The following LRP6 variants were observed in gnomAD, a reference collection of about 807,000 sequenced individuals.
LRP6 encodes LDL receptor related protein 6, also known as low-density lipoprotein receptor-related protein 6.
LRP6 carries 43 observed loss-of-function variants against 184.1 expected under a neutral mutation model. That is an observed-to-expected ratio of 0.23 (90% confidence interval 0.18 to 0.30). The LOEUF (loss-of-function observed/expected upper bound fraction) is 0.30. LRP6 is among the 10% of genes least tolerant of loss of function. The pLI is 1.00. For synonymous variants in LRP6, 719 were observed against 684.9 expected, an observed-to-expected ratio of 1.05 and a Z score of -0.78; for missense variants, 1,571 against 2,005.3, an observed-to-expected ratio of 0.78 and a Z score of 4.14.
chr12:12,203,470 A>G, intron 2 of LRP6, 70 bp from the exon 3 acceptor site: 3 of 1,334,592 alleles, frequency 2.2e-6, no homozygotes, highest in Non-Finnish European at 3.2e-6. Context: ...AATTATTACT[A>G]TTAAAGAAAG....
chr12:12,220,866 C>T (rs1306373119), intron 2 of LRP6, among the ~76,000 whole-genome samples: 1 of 152,186 alleles, frequency 6.6e-6, no homozygotes, highest in East Asian at 1.9e-4. Flanking sequence ...TCCGAAAGTG[C>T]TGGGATTACA....
intron 7 of LRP6, among the ~76,000 whole-genome samples, chr12:12,171,525 A>C (rs1863042779): frequency 9.0e-6 from 1 of 111,234 alleles, no homozygotes. Flanking sequence ...CAGTCTCAAA[A>C]AAAAATAAAA....
At position 12,157,681 on chromosome 12, in the gene LRP6, AAAAG is replaced by A. The variant is rs370891971; in HGVS notation, c.2791+1144_2791+1147del. Among the ~76,000 whole-genome samples, 45 of 152,310 alleles carry A rather than the reference AAAAG, an allele frequency of 3.0e-4. No individual in the cohort carries two copies. The East Asian group carries it at 6.0e-3, about 20-fold the overall frequency. ...AATTCTGACACATTCTCTCAAGCAC[AAAAG>A]AAAGTCATGTCAATAGTTAATTACC... On this transcript the variant is annotated intron_variant, in intron 12 of 22. Coordinates refer to ENST00000261349, the MANE Select transcript of LRP6 (RefSeq NM_002336.3).
intron 2 of LRP6, among the ~76,000 whole-genome samples, chr12:12,236,011 G>T (rs1046749433): frequency 6.6e-6 from 1 of 152,122 alleles, no homozygotes; most frequent in Non-Finnish European, 1.5e-5. Flanking sequence ...GGATCACCAG[G>T]TCAGGAGATC....
In LRP6 at chr12:12,259,262, C is replaced by CAA. The variant is rs535352023; in HGVS notation, c.55+7417_55+7418dup. ...TGGGTGACAGAGCGAGACTCCATCT[C>CAA]AAAAAAAAAAAAAAAAAAAGACTAC... On this transcript the variant is annotated intron_variant, in intron 1 of 22. Coordinates refer to ENST00000261349, the MANE Select transcript of LRP6 (RefSeq NM_002336.3). Among the ~76,000 whole-genome samples, 179 of 59,112 alleles carry CAA rather than the reference C, an allele frequency of 3.0e-3. 1 individual carries two copies. Among genetic ancestry groups the CAA allele is most frequent in the Admixed American group, 9.0e-3 (48 of 5,358 alleles). 38.8% of individuals were successfully genotyped at this position (59,112 alleles called of 152,430 possible).
intron 15 of LRP6, among the ~76,000 whole-genome samples, chr12:12,140,533 A>G (rs1016016211): frequency 3.3e-5 from 5 of 152,172 alleles, no homozygotes; most frequent in Non-Finnish European, 5.9e-5. Flanking sequence ...GACAGAAAGG[A>G]TCAACCTAGT....
intron 2 of LRP6, among the ~76,000 whole-genome samples, chr12:12,214,471 T>G (rs1438802483): frequency 6.6e-6 from 1 of 152,228 alleles, no homozygotes; most frequent in Non-Finnish European, 1.5e-5. Flanking sequence ...AACTATGTTA[T>G]ATAGTAAGAA....
At chr12:12,232,947 C>T (rs1014781168) in intron 2 of LRP6, among the ~76,000 whole-genome samples, 8 of 152,104 alleles carry the variant, frequency 5.3e-5, no homozygotes, top group Non-Finnish European at 1.2e-4. Context: ...AAAAGATGCA[C>T]CTAACATCCC....
At chr12:12,258,511 T>C (rs1865528800) in intron 1 of LRP6, among the ~76,000 whole-genome samples, 1 of 152,246 alleles carries the variant, frequency 6.6e-6, no homozygotes, top group African/African-American at 2.4e-5. Flanking sequence ...AATTCACATC[T>C]TTTTATATTA....
intron 17 of LRP6, among the ~76,000 whole-genome samples, chr12:12,133,855 G>A (rs567667018): frequency 1.7e-5 from 2 of 115,516 alleles, no homozygotes; most frequent in East Asian, 2.9e-4. Flanking sequence ...TGGGGGGGGG[G>A]GGGGGGGAGG....
chr12:12,204,049 A>T (rs1433182724), intron 2 of LRP6, among the ~76,000 whole-genome samples: 1 of 152,166 alleles, frequency 6.6e-6, no homozygotes, highest in Non-Finnish European at 1.5e-5. Context: ...ATACCACCTT[A>T]ACTGAGTCAT....
At chr12:12,265,130 AATAC>A (rs777186046) in intron 1 of LRP6, among the ~76,000 whole-genome samples, 3 of 152,238 alleles carry the variant, frequency 2.0e-5, no homozygotes, top group Non-Finnish European at 4.4e-5. Context: ...TATGTCTTAA[AATAC>A]ATACATATTC....
intron 17 of LRP6, 119 bp from the exon 18 acceptor site, chr12:12,132,176 A>G: frequency 1.4e-6 from 1 of 729,380 alleles, no homozygotes; most frequent in Admixed American, 2.0e-5. Context: ...ACTTTATAAT[A>G]AATATGATTT....
intron 1 of LRP6, among the ~76,000 whole-genome samples, chr12:12,251,588 T>G (rs1865327504): frequency 6.6e-6 from 1 of 152,048 alleles, no homozygotes; most frequent in Admixed American, 6.5e-5. Context: ...CAGGATGGTC[T>G]CGATCTCCTG....
Position 12,147,525 on chromosome 12 carries a change from A to C in LRP6, c.3238T>G (p.Ser1080Ala). 1.2e-6 allele frequency: 2 copies of C among 1,614,036 alleles called. No individual in the cohort carries two copies. The highest frequency in any genetic ancestry group is 1.1e-5 in the South Asian group (1 of 91,070). The change falls in exon 15 of 23, where the codon TCT becomes GCT. Residue 1080 changes from serine to alanine, a missense_variant. Physicochemically the swap from Ser to Ala is moderately conservative, Grantham distance 99 (BLOSUM62 1). Around this residue, in one of 4 missense-constraint regions of LRP6, gnomAD observed 763 missense variants for 859.5 expected, o/e 0.89. Transcript: ENST00000261349. ...AAAGCAGCCCGTTCAATTTTAGGAG[A>C]CCTTTCCTGAAGATTGGTAAAATAC... ...YMYFTNLQER[S>A]PKIERAALDG...
chr12:12,176,769 T>C (rs1233641708), intron 7 of LRP6, among the ~76,000 whole-genome samples: 1 of 151,650 alleles, frequency 6.6e-6, no homozygotes, highest in Non-Finnish European at 1.5e-5. Context: ...CCTTGCTATA[T>C]AAATAATTTA....
rs555305191 is a variant in LRP6, at chr12:12,266,994, C to T, written c.-259G>A. The T allele has an allele frequency of 1.0e-3, 533 of 527,398 alleles. 3 individuals carry two copies. In the African/African-American group the frequency reaches 0.01, roughly 10 times the overall value. The allele number at this position is 527,398 out of a possible 1,614,324, so 32.7% of individuals were successfully genotyped here. A position where few individuals can be genotyped will look rare whatever the true frequency, so the allele number is the denominator to read the frequency against. ...CCTCCTCCCCCGGCGCCCCGCTTCC[C>T]CCGCGCAGCTCCTCATTCAGCCTCT... On this transcript the variant is annotated 5_prime_UTR_variant, in exon 1 of 23. Coordinates refer to ENST00000261349, the MANE Select transcript of LRP6 (RefSeq NM_002336.3).
chr12:12,254,761 C>T (rs1261399794), intron 1 of LRP6, among the ~76,000 whole-genome samples: 1 of 152,168 alleles, frequency 6.6e-6, no homozygotes, highest in African/African-American at 2.4e-5. Context: ...CTTAGGAAAA[C>T]TGGCCTGGTA....
intron 1 of LRP6, among the ~76,000 whole-genome samples, chr12:12,254,042 G>A (rs1316803727): frequency 1.3e-5 from 2 of 149,302 alleles, no homozygotes; most frequent in Non-Finnish European, 3.0e-5. Flanking sequence ...TACTAGGGAG[G>A]CTGAGATGGG....
Sources: gnomAD v4.1 joint callset for allele counts (sites outside exome capture counted in the v4.1 genomes callset) on GRCh38, gnomAD v4.1.1 for gene constraint, gnomAD v4.1.1 regional missense constraint, MANE v1.5 for transcripts, NCBI Gene and HGNC (gene_info 2026-07-23, HGNC 2026-07-21) for gene names.